The following LURAP1L variants were observed in gnomAD, a reference collection of about 807,000 sequenced individuals.
LURAP1L encodes leucine rich adaptor protein 1-like.
LURAP1L carries 12 observed loss-of-function variants against 13.8 expected under a neutral mutation model. The observed-to-expected ratio is 0.87, with a 90% CI of 0.56 to 1.41. The LOEUF is 1.41. Among genes scored for constraint, LURAP1L ranks in the 40% most tolerant of loss-of-function variants. The probability of loss-of-function intolerance (pLI) is 0.00; values close to 1 mark genes in which losing one functional copy is unlikely to be tolerated. For synonymous variants in LURAP1L, 139 were observed against 119.2 expected (o/e 1.17, Z -1.08); for missense variants, 375 against 292.9 (o/e 1.28, Z -2.04).
At chr9:12,806,554 C>T (rs1262251893) in intron 1 of LURAP1L, among the ~76,000 whole-genome samples, 1 of 151,972 alleles carries the variant, frequency 6.6e-6, no homozygotes, top group East Asian at 1.9e-4. Context: ...TTGGGCTATG[C>T]TCCATTTTAT....
intron 1 of LURAP1L, among the ~76,000 whole-genome samples, chr9:12,797,668 T>G (rs1160643828): frequency 6.6e-6 from 1 of 152,112 alleles, no homozygotes; most frequent in Non-Finnish European, 1.5e-5. Flanking sequence ...AGCTTTTGGA[T>G]TTTATTTTAA....
intron 1 of LURAP1L, among the ~76,000 whole-genome samples, chr9:12,799,336 C>T (rs762374242): frequency 3.2e-4 from 48 of 152,094 alleles, no homozygotes; most frequent in Middle Eastern, 3.4e-3. Context: ...ATGCATTTAT[C>T]GACACAGTTT....
At chr9:12,804,612 G>A (rs1212503452) in intron 1 of LURAP1L, among the ~76,000 whole-genome samples, 3 of 151,832 alleles carry the variant, frequency 2.0e-5, no homozygotes, top group South Asian at 2.1e-4. Context: ...AAAAGTATTC[G>A]GATTACAGGT....
At chr9:12,791,888 A>T (rs775623770) in intron 1 of LURAP1L, among the ~76,000 whole-genome samples, 2 of 152,070 alleles carry the variant, frequency 1.3e-5, no homozygotes, top group Non-Finnish European at 2.9e-5. Flanking sequence ...ACAATTAATG[A>T]CTTATGTCAC....
chr9:12,784,088 G>A (rs1481183436), intron 1 of LURAP1L, among the ~76,000 whole-genome samples: 17 of 152,048 alleles, frequency 1.1e-4, no homozygotes, highest in Non-Finnish European at 1.9e-4. Context: ...ATAGGATTCT[G>A]AATTCTTTCT....
intron 1 of LURAP1L, among the ~76,000 whole-genome samples, chr9:12,784,344 G>C (rs111716233): frequency 0.024 from 3,678 of 152,232 alleles, 61 homozygotes; most frequent in Middle Eastern, 0.071. Context: ...TTCTTGGGAA[G>C]GCTTTAAAGA....
chr9:12,796,813 C>T (rs1432067249), intron 1 of LURAP1L, among the ~76,000 whole-genome samples: 1 of 151,752 alleles, frequency 6.6e-6, no homozygotes, highest in Non-Finnish European at 1.5e-5. Flanking sequence ...CCAGCCCCTT[C>T]ACTTTCTAGT....
At position 12,775,777 on chromosome 9, in the gene LURAP1L, C is replaced by T. The variant is rs1446197155; in HGVS notation, c.62C>T (p.Pro21Leu). 13 of 1,609,744 alleles carry T rather than the reference C, an allele frequency of 8.1e-6. No homozygotes were observed. The Admixed American group carries it at 2.2e-4, about 28-fold the overall frequency. ...GAGCTGAAGCTGGGGCGCAAAGTACCCGAGAGTCTAGTGCGCTCTCTCCGT... is the reference window on the plus strand; with the variant it reads ...GAGCTGAAGCTGGGGCGCAAAGTACTCGAGAGTCTAGTGCGCTCTCTCCGT... The part of the protein sequence containing the change: ...DIELKLGRKV[P>L]ESLVRSLRGE... The change falls in exon 1 of 2, where the codon CCC becomes CTC. Residue 21 changes from proline to leucine, a missense_variant. Physicochemically the swap from Pro to Leu is moderately conservative, Grantham distance 98. Transcript: ENST00000319264.
At chr9:12,809,009 A>G (rs1225869552) in intron 1 of LURAP1L, among the ~76,000 whole-genome samples, 1 of 152,186 alleles carries the variant, frequency 6.6e-6, no homozygotes, top group Non-Finnish European at 1.5e-5. Context: ...GAAGCTTACA[A>G]TCATGGCAGA....
chr9:12,821,549 C>A lies in LURAP1L; in HGVS notation c.476C>A (p.Ser159Tyr), dbSNP rs144810120. 5.0e-6 allele frequency: 8 copies of A among 1,614,006 alleles called. No homozygotes were observed. In the East Asian group the frequency reaches 1.8e-4, roughly 36 times the overall value. The change falls in exon 2 of 2, where the codon TCC becomes TAC. Residue 159 changes from serine (S) to tyrosine (Y), a missense_variant. Coordinates refer to ENST00000319264, the MANE Select transcript of LURAP1L (RefSeq NM_203403.2). ...LCSLLESQSTSLRGSYNSLHD... is the reference protein window; with the variant it reads ...LCSLLESQSTYLRGSYNSLHD... ...AGTTTGTTGGAGAGTCAGAGCACCT[C>A]CTTACGTGGCAGCTACAACAGCCTA...
intron 1 of LURAP1L, among the ~76,000 whole-genome samples, chr9:12,818,334 A>T (rs1361390621): frequency 6.6e-6 from 1 of 152,212 alleles, no homozygotes. Context: ...CCCTGGTGGC[A>T]TAGTTGTTAG....
At chr9:12,785,373 C>T (rs1189021444) in intron 1 of LURAP1L, among the ~76,000 whole-genome samples, 1 of 152,102 alleles carries the variant, frequency 6.6e-6, no homozygotes, top group Non-Finnish European at 1.5e-5. Flanking sequence ...GCTGATGTCT[C>T]ACTAGGTCCT....
intron 1 of LURAP1L, among the ~76,000 whole-genome samples, chr9:12,805,555 T>C (rs1415382810): frequency 6.6e-6 from 1 of 152,142 alleles, no homozygotes; most frequent in African/African-American, 2.4e-5. Context: ...ATGTTTTCTT[T>C]ATGGATTTAA....
At chr9:12,805,870 A>G (rs531563724) in intron 1 of LURAP1L, among the ~76,000 whole-genome samples, 1 of 152,334 alleles carries the variant, frequency 6.6e-6, no homozygotes, top group Non-Finnish European at 1.5e-5. Flanking sequence ...GCAGTTGTGA[A>G]AATGGACATA....
intron 1 of LURAP1L, 77 bp from the exon 2 acceptor site, chr9:12,821,309 G>A: frequency 1.4e-6 from 2 of 1,471,972 alleles, no homozygotes; most frequent in Non-Finnish European, 1.8e-6. Flanking sequence ...AACTGCAGCA[G>A]ACAGTCCCCA....
At chr9:12,788,154 A>AGAAG (rs1491291241) in intron 1 of LURAP1L, among the ~76,000 whole-genome samples, 1 of 139,522 alleles carries the variant, frequency 7.2e-6, no homozygotes, top group African/African-American at 2.7e-5. Context: ...GAAAGAAGAA[A>AGAAG]GAAAGAAAGA....
chr9:12,821,554 C>G lies in LURAP1L; in HGVS notation c.481C>G (p.Arg161Gly), dbSNP rs534001506. The G allele has an allele frequency of 6.2e-7, 1 of 1,614,130 alleles. No homozygotes were observed. The highest frequency in any genetic ancestry group is 8.5e-7 in the Non-Finnish European group (1 of 1,180,030). ...GTTGGAGAGTCAGAGCACCTCCTTACGTGGCAGCTACAACAGCCTACACGA... is the reference window on the plus strand; with the variant it reads ...GTTGGAGAGTCAGAGCACCTCCTTAGGTGGCAGCTACAACAGCCTACACGA... ...SLLESQSTSL[R>G]GSYNSLHDGS... The change falls in exon 2 of 2, where the codon CGT (arginine) becomes GGT (glycine). Residue 161 changes from arginine (R) to glycine (G), a missense_variant. By Grantham distance (125) the Arg-to-Gly change is moderately radical. Coordinates refer to ENST00000319264, the MANE Select transcript of LURAP1L (RefSeq NM_203403.2).
At chr9:12,791,334 T>A (rs1246335391) in intron 1 of LURAP1L, among the ~76,000 whole-genome samples, 1 of 151,916 alleles carries the variant, frequency 6.6e-6, no homozygotes, top group African/African-American at 2.4e-5. Context: ...GCTGTGTGGG[T>A]TTCCCCCTAA....
intron 1 of LURAP1L, among the ~76,000 whole-genome samples, chr9:12,800,372 C>A (rs1438245406): frequency 6.6e-6 from 1 of 151,720 alleles, no homozygotes; most frequent in East Asian, 1.9e-4. Context: ...GACAAAAATC[C>A]AAGAGTTAAT....
Sources: allele counts gnomAD v4.1 joint callset (sites outside exome capture counted in the v4.1 genomes callset), GRCh38; gene constraint gnomAD v4.1.1; transcripts MANE v1.5; gene names NCBI Gene and HGNC (gene_info 2026-07-23, HGNC 2026-07-21).